The following ZNF469 variants were observed in gnomAD, a reference collection of about 807,000 sequenced individuals.
ZNF469 encodes zinc finger protein 469.
In ZNF469, 1 loss-of-function variant was observed where a neutral mutation model predicts 1.0. The ratio of observed to expected loss-of-function variants is 1.00; its 90% CI spans 0.35 to 4.73. The LOEUF (loss-of-function observed/expected upper bound fraction) is 4.73. Ranked by LOEUF, ZNF469 falls within the 30% of genes most tolerant of loss-of-function variation. ZNF469 has a pLI of 0.16. For missense variants in ZNF469, 6,100 were observed against 5,356.3 expected (o/e 1.14, Z -4.33); for synonymous variants, 2,703 against 2,363.4 (o/e 1.14, Z -4.17).
chr16:88,292,340 G>A, the ZNF469 span, among the ~76,000 whole-genome samples: 1 of 152,186 alleles, frequency 6.6e-6, no homozygotes, highest in Non-Finnish European at 1.5e-5. Flanking sequence ...GGCCACAGGA[G>A]CCGGGACATT....
the ZNF469 span, among the ~76,000 whole-genome samples, chr16:88,206,517 C>CCTT: frequency 6.6e-6 from 1 of 152,120 alleles, no homozygotes; most frequent in East Asian, 1.9e-4. Context: ...GATCCACGGA[C>CCTT]CTTGTTCAAA....
At chr16:88,392,044 G>C (rs956062029) in intron 1 of ZNF469, among the ~76,000 whole-genome samples, 1 of 152,128 alleles carries the variant, frequency 6.6e-6, no homozygotes, top group East Asian at 1.9e-4. Flanking sequence ...TCTTATGCAG[G>C]CTACAAACTC....
At chr16:88,210,293 C>G in the ZNF469 span, among the ~76,000 whole-genome samples, 5 of 151,732 alleles carry the variant, frequency 3.3e-5, no homozygotes, top group Admixed American at 1.3e-4. Context: ...GAACTATTTC[C>G]CCTATATTTG....
the ZNF469 span, among the ~76,000 whole-genome samples, chr16:88,348,673 T>C: frequency 1.3e-5 from 2 of 152,138 alleles, no homozygotes; most frequent in Admixed American, 6.5e-5. Context: ...ACCCCTGCCG[T>C]GAGACGTGGG....
the ZNF469 span, among the ~76,000 whole-genome samples, chr16:88,255,994 T>C: frequency 6.6e-6 from 1 of 152,192 alleles, no homozygotes; most frequent in Non-Finnish European, 1.5e-5. Flanking sequence ...TGATTCCCCT[T>C]GGGTTGGATT....
chr16:88,271,664 C>G, the ZNF469 span, among the ~76,000 whole-genome samples: 6 of 146,978 alleles, frequency 4.1e-5, no homozygotes, highest in Non-Finnish European at 9.1e-5. Flanking sequence ...AGGGTCAGAG[C>G]GAAGGTGAGG....
At chr16:88,374,714 C>T in the ZNF469 span, among the ~76,000 whole-genome samples, 98 of 152,334 alleles carry the variant, frequency 6.4e-4, no homozygotes, top group African/African-American at 2.3e-3. Context: ...CTGAGCTCAG[C>T]ACCATGTGCG....
chr16:88,209,611 A>C, the ZNF469 span, among the ~76,000 whole-genome samples: 1 of 152,192 alleles, frequency 6.6e-6, no homozygotes, highest in African/African-American at 2.4e-5. Flanking sequence ...TTTTTACAAA[A>C]ACTAAGCATT....
At chr16:88,230,400 G>T in the ZNF469 span, among the ~76,000 whole-genome samples, 1 of 152,238 alleles carries the variant, frequency 6.6e-6, no homozygotes, top group Non-Finnish European at 1.5e-5. Flanking sequence ...CAGCCCTGGG[G>T]AGTGGGCAAG....
the ZNF469 span, among the ~76,000 whole-genome samples, chr16:88,315,761 T>G: frequency 1.1e-4 from 16 of 152,234 alleles, no homozygotes; most frequent in Admixed American, 9.2e-4. Context: ...CCTCCTGGCC[T>G]GGGTTGGTTT....
At chr16:88,248,774 C>G in the ZNF469 span, among the ~76,000 whole-genome samples, 2 of 152,204 alleles carry the variant, frequency 1.3e-5, no homozygotes, top group Non-Finnish European at 2.9e-5. Context: ...GGTCCAGCCA[C>G]TCATTTCAAC....
chr16:88,312,173 C>T, the ZNF469 span, among the ~76,000 whole-genome samples: 1 of 152,226 alleles, frequency 6.6e-6, no homozygotes, highest in Admixed American at 6.5e-5. Context: ...TGGGGGAAAC[C>T]ACCCCCATGA....
the ZNF469 span, among the ~76,000 whole-genome samples, chr16:88,148,076 G>A: frequency 1.7e-3 from 263 of 151,450 alleles, 2 homozygotes; most frequent in African/African-American, 6.2e-3. Context: ...GCCTGCAGTG[G>A]GGCGGCGACT....
At chr16:88,296,563 T>C in the ZNF469 span, among the ~76,000 whole-genome samples, 1 of 149,662 alleles carries the variant, frequency 6.7e-6, no homozygotes, top group Non-Finnish European at 1.5e-5. Context: ...CACACTCACG[T>C]GCTCACACAC....
chr16:88,289,048 GTGA>G, the ZNF469 span, among the ~76,000 whole-genome samples: 1 of 152,072 alleles, frequency 6.6e-6, no homozygotes, highest in Middle Eastern at 3.4e-3. Context: ...AACAGTGATG[GTGA>G]TGATGGTGGT....
At chr16:88,382,916 G>A (rs974156805), upstream of ZNF469, among the ~76,000 whole-genome samples, 1 of 151,252 alleles carries the variant, frequency 6.6e-6, no homozygotes, top group Admixed American at 6.6e-5. Flanking sequence ...GGGTGCGGGG[G>A]CGGCGGAGTC....
At chr16:88,227,826 G>A in the ZNF469 span, among the ~76,000 whole-genome samples, 2 of 152,288 alleles carry the variant, frequency 1.3e-5, no homozygotes, top group African/African-American at 4.8e-5. Context: ...TCAAGGAGCC[G>A]GCCCAGGGGT....
chr16:88,223,268 T>A, the ZNF469 span, among the ~76,000 whole-genome samples: 6 of 152,246 alleles, frequency 3.9e-5, no homozygotes, highest in African/African-American at 1.2e-4. Flanking sequence ...ATAAGTCTCA[T>A]GCGATCTGCG....
At position 88,437,941 on chromosome 16, in the gene ZNF469, C is replaced by T; in HGVS notation, c.10471C>T (p.Pro3491Ser). Residue 3491 changes from proline to serine, a missense_variant, in exon 3 of 3, where the codon CCT (proline) becomes TCT (serine). Transcript: ENST00000565624. ...TGCCCCTGGGCCCGGCGAGGACAGG[C>T]CTCCTCCCCGGGGAAGCAGCCCCAT... ...GSAPGPGEDR[P>S]PPRGSSPILS... The T allele has an allele frequency of 2.6e-6, 4 of 1,541,344 alleles. No individual in the cohort carries two copies. Among genetic ancestry groups the T allele is most frequent in the Non-Finnish European group, 3.5e-6 (4 of 1,143,700 alleles).
Sources: allele counts gnomAD v4.1 joint callset (sites outside exome capture counted in the v4.1 genomes callset), GRCh38; gene constraint gnomAD v4.1.1; transcripts MANE v1.5; gene names NCBI Gene and HGNC (gene_info 2026-07-23, HGNC 2026-07-21).